The following NEMF variants were observed in gnomAD, a reference collection of about 807,000 sequenced individuals.
NEMF encodes the protein nuclear export mediator factor.
Under a neutral mutation model 162.2 loss-of-function variants are expected in NEMF, and 89 were observed. That is an observed-to-expected ratio of 0.55 (90% confidence interval 0.46 to 0.65). NEMF has a LOEUF of 0.65. NEMF is among the 30% of genes least tolerant of loss of function. The pLI is 0.00. For synonymous variants in NEMF, 421 were observed against 404.5 expected (o/e 1.04, Z -0.49); for missense variants, 1,133 against 1,261.9 (o/e 0.90, Z 1.55).
intron 4 of NEMF, among the ~76,000 whole-genome samples, chr14:49,841,550 G>A (rs1893209810): frequency 6.9e-6 from 1 of 145,134 alleles, no homozygotes; most frequent in Admixed American, 7.0e-5. Context: ...CTCCAGCCTG[G>A]GCAACAAGAG....
chr14:49,833,917 A>G lies in NEMF; in HGVS notation c.662-421T>C, dbSNP rs146206249. On this transcript the variant is annotated intron_variant, in intron 7 of 32. Coordinates refer to ENST00000298310, the MANE Select transcript of NEMF (RefSeq NM_004713.6). The stretch of plus-strand genomic sequence containing the variant: ...TTCCAGAGTTATCCTGAACATTTTC[A>G]CATGCTTTTGCTCCATATAAACATC... Among the ~76,000 whole-genome samples the G allele has an allele frequency of 3.0e-3, 457 of 152,332 alleles. 3 individuals are homozygous for G. The highest frequency in any genetic ancestry group is 9.1e-3 in the African/African-American group (377 of 41,576).
intron 18 of NEMF, among the ~76,000 whole-genome samples, chr14:49,806,922 A>G (rs1480072839): frequency 2.0e-5 from 3 of 152,204 alleles, no homozygotes; most frequent in Admixed American, 6.5e-5. Context: ...AAAGTATACA[A>G]TTCAGTGGCT....
chr14:49,837,664 A>T (rs2139997374), intron 6 of NEMF, among the ~76,000 whole-genome samples: 1 of 152,230 alleles, frequency 6.6e-6, no homozygotes, highest in African/African-American at 2.4e-5. Context: ...GTGCTCAGTA[A>T]TCAATGGTAC....
intron 7 of NEMF, 54 bp from the exon 8 acceptor site, chr14:49,833,550 C>T: frequency 8.3e-7 from 1 of 1,200,904 alleles, no homozygotes; most frequent in East Asian, 2.4e-5. Flanking sequence ...TGTCAATTAA[C>T]CGTGGCTAAA....
chr14:49,802,686 A>C lies in NEMF; in HGVS notation c.1957T>G (p.Phe653Val). Reference sequence around the variant, plus strand: ...AAGAGTACCTTAAAAAGGAAGCTAAACCCCATCATTAGATATGAGGGAGGA... The same window carrying C: ...AAGAGTACCTTAAAAAGGAAGCTAACCCCCATCATTAGATATGAGGGAGGA... ...FLPPSYLMMG[F>V]SFLFKVDESC... Residue 653 changes from phenylalanine to valine, a missense_variant, in exon 21 of 33, where the codon TTT becomes GTT. Physicochemically the swap from Phe to Val is conservative, Grantham distance 50 (BLOSUM62 -1). Around this residue, in one of 3 missense-constraint regions of NEMF, gnomAD observed 532 missense variants for 578.6 expected, o/e 0.92. Transcript: ENST00000298310. 1 of 1,612,650 alleles carries C rather than the reference A, an allele frequency of 6.2e-7. No homozygotes were observed. The highest frequency in any genetic ancestry group is 8.5e-7 in the Non-Finnish European group (1 of 1,179,308).
At chr14:49,818,831 A>G (rs887559886) in intron 16 of NEMF, among the ~76,000 whole-genome samples, 1 of 152,150 alleles carries the variant, frequency 6.6e-6, no homozygotes, top group African/African-American at 2.4e-5. Context: ...AGAAAAAAAG[A>G]ATCTTTTCTG....
chr14:49,802,494 C>T lies in NEMF; in HGVS notation c.2054G>A (p.Ser685Asn), dbSNP rs1891002726. 1 of 1,613,806 alleles carries T rather than the reference C, an allele frequency of 6.2e-7. No homozygotes were observed. The highest frequency in any genetic ancestry group is 8.5e-7 in the Non-Finnish European group (1 of 1,179,894). ...VQDEDMETLA[S>N]CTSELISEEM... is the part of the protein sequence containing the mutation. ...TTCTGATATGAGTTCACTTGTACAACTTGCCAGTGTCTCCATGTCTTCATC... is the reference window on the plus strand; with the variant it reads ...TTCTGATATGAGTTCACTTGTACAATTTGCCAGTGTCTCCATGTCTTCATC... The change falls in exon 22 of 33, where the codon AGT becomes AAT. Residue 685 changes from serine (S) to asparagine (N), a missense_variant. Transcript: ENST00000298310.
chr14:49,834,320 T>A (rs766028008), intron 7 of NEMF, 43 bp downstream of exon 7: 5 of 1,394,928 alleles, frequency 3.6e-6, no homozygotes, highest in East Asian at 2.3e-5. Context: ...TTTCATAGTT[T>A]AAAAAAAATG....
chr14:49,823,469 T>G (rs1260538773), intron 16 of NEMF, among the ~76,000 whole-genome samples: 1 of 151,892 alleles, frequency 6.6e-6, no homozygotes, highest in Non-Finnish European at 1.5e-5. Flanking sequence ...AGAGAGTTCT[T>G]AAAATTAAAA....
At position 49,806,065 on chromosome 14, in the gene NEMF, C is replaced by T; in HGVS notation, c.1813G>A (p.Asp605Asn). 4 of 1,611,516 alleles carry T rather than the reference C, an allele frequency of 2.5e-6. No homozygotes were observed. The highest frequency in any genetic ancestry group is 3.4e-6 in the Non-Finnish European group (4 of 1,179,094). Residue 605 changes from aspartate to asparagine, a missense_variant, in exon 19 of 33, where the codon GAT becomes AAT. By Grantham distance (23) the Asp-to-Asn change is conservative. Transcript: ENST00000298310. The stretch of plus-strand genomic sequence containing the variant: ...CAAGCACTAGTGATAACTCGTGCAT[C>T]CCAAGCAGCACTGTAGCAAAGTGCC... The part of the protein sequence containing the change: ...TMALCYSAAW[D>N]ARVITSAWWV...
chr14:49,833,861 A>C (rs945047308), intron 7 of NEMF, among the ~76,000 whole-genome samples: 6 of 152,196 alleles, frequency 3.9e-5, no homozygotes, highest in African/African-American at 1.4e-4. Flanking sequence ...GTGAAGGGTT[A>C]CACAGACAGT....
At chr14:49,790,175 C>G (rs555476574) in intron 26 of NEMF, among the ~76,000 whole-genome samples, 2 of 152,088 alleles carry the variant, frequency 1.3e-5, no homozygotes. Flanking sequence ...GACACAAACA[C>G]CGTAAAAGAC....
intron 18 of NEMF, among the ~76,000 whole-genome samples, chr14:49,813,370 G>T (rs1594758968): frequency 6.6e-6 from 1 of 152,262 alleles, no homozygotes; most frequent in East Asian, 1.9e-4. Flanking sequence ...TACTCAACCT[G>T]TATGGTGCTG....
chr14:49,787,313 C>T (rs1890222577), intron 28 of NEMF: 1 of 152,824 alleles, frequency 6.5e-6, no homozygotes, highest in South Asian at 2.1e-4. Flanking sequence ...AGAAATTTTA[C>T]TTCTTACAGT....
intron 6 of NEMF, among the ~76,000 whole-genome samples, chr14:49,836,336 A>G (rs1479483556): frequency 6.6e-6 from 1 of 152,122 alleles, no homozygotes. Flanking sequence ...CATAGAAAGT[A>G]ACAAGTCAAC....
chr14:49,782,989 G>A lies in NEMF; in HGVS notation c.*1647C>T. ...ATAATGCCTATGATCACCTTGCATGGACAGCAATCCTGTAAACATCACAGA... is the reference window on the plus strand; with the variant it reads ...ATAATGCCTATGATCACCTTGCATGAACAGCAATCCTGTAAACATCACAGA... On this transcript the variant is annotated 3_prime_UTR_variant, in exon 33 of 33. Coordinates refer to ENST00000298310, the MANE Select transcript of NEMF (RefSeq NM_004713.6). 1 of 1,598,940 alleles carries A rather than the reference G, an allele frequency of 6.3e-7. No homozygotes were observed. Among genetic ancestry groups the A allele is most frequent in the South Asian group, 1.1e-5 (1 of 88,850 alleles).
intron 3 of NEMF, among the ~76,000 whole-genome samples, chr14:49,851,275 G>A (rs915804766): frequency 1.3e-5 from 2 of 152,222 alleles, no homozygotes; most frequent in African/African-American, 4.8e-5. Flanking sequence ...TTGTTTTGAT[G>A]CAGAGAAGTG....
At chr14:49,852,609 T>C (rs3126160) in intron 1 of NEMF, 86 bp downstream of exon 1, 1,418,351 of 1,419,882 alleles carry the variant, frequency 1, 708,425 homozygotes, top group East Asian at 1. Flanking sequence ...TAAGGAAACA[T>C]ATCAAGCTGG....
chr14:49,835,261 T>C (rs1453651205), intron 6 of NEMF, among the ~76,000 whole-genome samples: 1 of 151,452 alleles, frequency 6.6e-6, no homozygotes, highest in Non-Finnish European at 1.5e-5. Context: ...TTAAAGAAAT[T>C]TGAAACTACA....
Sources: gnomAD v4.1 joint callset for allele counts (sites outside exome capture counted in the v4.1 genomes callset) on GRCh38, gnomAD v4.1.1 for gene constraint, gnomAD v4.1.1 regional missense constraint, MANE v1.5 for transcripts, NCBI Gene and HGNC (gene_info 2026-07-23, HGNC 2026-07-21) for gene names.